Variants in LRRC63 observed in about 807,000 individuals in gnomAD.
The protein encoded by LRRC63 is leucine rich repeat containing 63.
Under a neutral mutation model 49.5 loss-of-function variants are expected in LRRC63, and 40 were observed. The ratio of observed to expected loss-of-function variants is 0.81; its 90% CI spans 0.63 to 1.05. The LOEUF is 1.05. LRRC63 is among the 50% of genes least tolerant of loss of function. The pLI, the probability that LRRC63 is intolerant of heterozygous loss-of-function variation, is 0.00. For synonymous variants in LRRC63, 191 were observed against 221.1 expected, an observed-to-expected ratio of 0.86 and a Z score of 1.21; for missense variants, 636 against 663.1, an observed-to-expected ratio of 0.96 and a Z score of 0.45.
intron 6 of LRRC63, among the ~76,000 whole-genome samples, chr13:46,247,011 A>G (rs1190015439): frequency 6.6e-6 from 1 of 152,216 alleles, no homozygotes; most frequent in Non-Finnish European, 1.5e-5. Flanking sequence ...ATAAAATATA[A>G]TATTCTGCTT....
chr13:46,227,618 A>G, exon 3 of LRRC63: 2 of 1,549,962 alleles, frequency 1.3e-6, no homozygotes, highest in Non-Finnish European at 1.7e-6. Flanking sequence ...GAAATCAATC[A>G]CTAACACCTA....
intron 7 of LRRC63, among the ~76,000 whole-genome samples, chr13:46,255,645 A>AAAAAAAAAAAAAAAAAAT (rs1555328641): frequency 4.0e-4 from 52 of 129,448 alleles, no homozygotes; most frequent in African/African-American, 1.5e-3. Context: ...CCCTGCCTCA[A>AAAAAAAAAAAAAAAAAAT]ATATATATAT....
At chr13:46,222,340 C>G (rs1468405692) in intron 2 of LRRC63, among the ~76,000 whole-genome samples, 1 of 152,030 alleles carries the variant, frequency 6.6e-6, no homozygotes, top group Non-Finnish European at 1.5e-5. Context: ...TTTTCCTAGA[C>G]CAGTGTCCAG....
intron 4 of LRRC63, 142 bp from the exon 5 acceptor site, chr13:46,234,050 C>T: frequency 1.4e-6 from 1 of 707,858 alleles, no homozygotes; most frequent in African/African-American, 1.8e-5. Flanking sequence ...TAGATGAAGG[C>T]TATGGGGAAT....
intron 4 of LRRC63, among the ~76,000 whole-genome samples, chr13:46,230,085 G>T (rs2046701189): frequency 6.6e-6 from 1 of 152,104 alleles, no homozygotes; most frequent in African/African-American, 2.4e-5. Flanking sequence ...CCTCCCACCA[G>T]GCCCCATGTC....
In LRRC63 at chr13:46,231,102, A is replaced by G. The variant is rs144892185; in HGVS notation, c.832+2369A>G. 4.1e-3 allele frequency among the ~76,000 whole-genome samples: 624 copies of G among 152,326 alleles called. 2 individuals are homozygous for G. The highest frequency in any genetic ancestry group is 6.7e-3 in the Non-Finnish European group (457 of 68,024). On this transcript the variant is annotated intron_variant, in intron 4 of 9. Coordinates refer to ENST00000595396, the Ensembl canonical transcript of LRRC63. ...CAATATAAATATCAACATTTTGGTC[A>G]TGCTGTTTACCTAGTCTCTGGGAAG...
At chr13:46,250,515 T>C in intron 7 of LRRC63, 24 bp downstream of exon 7, 1 of 1,455,042 alleles carries the variant, frequency 6.9e-7, no homozygotes, top group Non-Finnish European at 9.2e-7. Flanking sequence ...TCTGAGATTA[T>C]AAACACAGAA....
intron 7 of LRRC63, among the ~76,000 whole-genome samples, chr13:46,258,589 C>T (rs1203970915): frequency 1.1e-4 from 16 of 151,064 alleles, no homozygotes; most frequent in Non-Finnish European, 3.0e-5. Context: ...GTGGGCGAAT[C>T]ACGAGGTCAG....
chr13:46,214,926 T>C (rs1436756333), intron 2 of LRRC63, among the ~76,000 whole-genome samples: 4 of 152,316 alleles, frequency 2.6e-5, no homozygotes, highest in South Asian at 4.1e-4. Context: ...TCCATGTCCC[T>C]GCAAAGGACA....
In LRRC63 at chr13:46,262,022, G is replaced by A. The variant is rs2047622428; in HGVS notation, c.1310+30G>A. On this transcript the variant is annotated intron_variant, in intron 8 of 9. Transcript: ENST00000595396. ...TTTGGAAGTACACAGAAAGTTATAT[G>A]CCCCTTAATTATATATTTAATAATG... The A allele has an allele frequency of 4.5e-6, 3 of 660,962 alleles. No individual in the cohort carries two copies. In the East Asian group the frequency reaches 1.0e-4, roughly 23 times the overall value. 40.9% of individuals were successfully genotyped at this position (660,962 alleles called of 1,614,324 possible).
At chr13:46,214,764 C>A (rs2046198666) in intron 2 of LRRC63, among the ~76,000 whole-genome samples, 1 of 152,142 alleles carries the variant, frequency 6.6e-6, no homozygotes, top group African/African-American at 2.4e-5. Flanking sequence ...TCTCCCCTCA[C>A]CCTCCACCCA....
intron 7 of LRRC63, among the ~76,000 whole-genome samples, chr13:46,260,095 T>TGA: frequency 6.6e-6 from 1 of 152,290 alleles, no homozygotes; most frequent in African/African-American, 2.4e-5. Flanking sequence ...GACATAAATT[T>TGA]CAACTCTAGA....
At chr13:46,263,134 T>A (rs2047637422) in intron 8 of LRRC63, among the ~76,000 whole-genome samples, 1 of 151,958 alleles carries the variant, frequency 6.6e-6, no homozygotes, top group African/African-American at 2.4e-5. Flanking sequence ...CTACCTATTT[T>A]TTTAAGGATG....
chr13:46,228,677 C>G, exon 4 of LRRC63: 1 of 1,542,828 alleles, frequency 6.5e-7, no homozygotes. Flanking sequence ...ACTCTTGTAA[C>G]AGAAAATGGA....
chr13:46,233,081 C>T (rs745354843), intron 4 of LRRC63, among the ~76,000 whole-genome samples: 5 of 152,288 alleles, frequency 3.3e-5, no homozygotes, highest in South Asian at 2.1e-4. Context: ...AATTAACTTC[C>T]GGGTGTCTTC....
chr13:46,227,178 C>T (rs1180310401), intron 2 of LRRC63, among the ~76,000 whole-genome samples: 1 of 152,136 alleles, frequency 6.6e-6, no homozygotes, highest in Non-Finnish European at 1.5e-5. Flanking sequence ...TGTATCCATC[C>T]CTATTGCCAG....
At chr13:46,266,702 C>A in intron 8 of LRRC63, 31 bp from the exon 9 acceptor site, 1 of 1,495,140 alleles carries the variant, frequency 6.7e-7, no homozygotes, top group Non-Finnish European at 8.9e-7. Flanking sequence ...TTGTATAATA[C>A]CTTTTAAAGT....
In LRRC63 at chr13:46,234,343, T is replaced by G. The variant is rs182217649; in HGVS notation, c.984T>G (p.Asn328Lys). The G allele has an allele frequency of 3.2e-6, 5 of 1,549,626 alleles. No individual in the cohort carries two copies. In the Admixed American group the frequency reaches 9.8e-5, roughly 30 times the overall value. Residue 328 changes from asparagine (N) to lysine (K), a missense_variant, in exon 5 of 10, where the codon AAT (asparagine) becomes AAG (lysine). By Grantham distance (94) the Asn-to-Lys change is moderately conservative. Transcript: ENST00000595396. ...AAGTATATGGGAGAAATGCACTTAA[T>G]CTGAAGGTATGCTAGATCTTTTTAA... is the stretch of plus-strand genomic sequence containing the variant.
intron 8 of LRRC63, among the ~76,000 whole-genome samples, chr13:46,264,567 G>A (rs1214192693): frequency 6.6e-6 from 1 of 151,724 alleles, no homozygotes; most frequent in Non-Finnish European, 1.5e-5. Context: ...ATGCATTTTG[G>A]TTCCAGAACA....
Sources: gnomAD v4.1 joint callset for allele counts (sites outside exome capture counted in the v4.1 genomes callset) on GRCh38, gnomAD v4.1.1 for gene constraint, MANE v1.5 for transcripts, NCBI Gene and HGNC (gene_info 2026-07-23, HGNC 2026-07-21) for gene names.